LANCL3: variants seen among roughly 807,000 people sequenced by gnomAD.
LANCL3 encodes the protein lanC-like protein 3.
Under a neutral mutation model 26.5 loss-of-function variants are expected in LANCL3, and 19 were observed. The ratio of observed to expected loss-of-function variants is 0.72; its 90% CI spans 0.50 to 1.05. The LOEUF (loss-of-function observed/expected upper bound fraction) is 1.05. Among genes scored for constraint, LANCL3 ranks in the 50% least tolerant of loss-of-function variants. The pLI, the probability that LANCL3 is intolerant of heterozygous loss-of-function variation, is 0.00. For missense variants in LANCL3, 318 were observed against 362.7 expected (o/e 0.88, Z 1.00); for synonymous variants, 160 against 166.6 (o/e 0.96, Z 0.30).
intron 4 of LANCL3, among the ~76,000 whole-genome samples, chrX:37,674,586 T>TA (rs1480037309): frequency 8.9e-6 from 1 of 111,770 alleles, no homozygotes; most frequent in Non-Finnish European, 1.9e-5. Context: ...AAGTAACTCT[T>TA]ACGATGCATT....
At chrX:37,640,891 C>T (rs193109363) in intron 1 of LANCL3, among the ~76,000 whole-genome samples, 1 of 111,624 alleles carries the variant, frequency 9.0e-6, no homozygotes, top group African/African-American at 3.3e-5. Context: ...TTCCTTTCTC[C>T]TTCCACTAGG....
chrX:37,631,776 T>C (rs1925521274), intron 1 of LANCL3, among the ~76,000 whole-genome samples: 1 of 111,822 alleles, frequency 8.9e-6, no homozygotes, highest in South Asian at 3.8e-4. Flanking sequence ...GTGAGTTTCT[T>C]AATCCTGAGT....
At position 37,678,256 on chromosome X, in the gene LANCL3, T is replaced by G. The variant is rs1040899910; in HGVS notation, c.*2443T>G. 1 of 111,340 alleles carries G rather than the reference T, an allele frequency of 9.0e-6. No homozygotes were observed. The highest frequency in any genetic ancestry group is 1.9e-5 in the Non-Finnish European group (1 of 52,903). The allele number at this position is 111,340 out of a possible 1,213,427, so 9.2% of individuals were successfully genotyped here. On this transcript the variant is annotated 3_prime_UTR_variant, in exon 5 of 5. Coordinates refer to ENST00000378619, the MANE Select transcript of LANCL3 (RefSeq NM_001170331.2). ...GGAAGGTCCTCTTCTATATTATTTT[T>G]CCAAGAAGGGGAAAACGATTCTTAC... is the stretch of plus-strand genomic sequence containing the variant.
At chrX:37,645,908 G>T (rs1041638066) in intron 1 of LANCL3, among the ~76,000 whole-genome samples, 1 of 111,565 alleles carries the variant, frequency 9.0e-6, no homozygotes, top group African/African-American at 3.3e-5. Flanking sequence ...GCACCTTGAG[G>T]TTTTTGAAGC....
chrX:37,612,768 C>T (rs1413785384), intron 1 of LANCL3, among the ~76,000 whole-genome samples: 2 of 111,795 alleles, frequency 1.8e-5, no homozygotes, highest in Admixed American at 1.9e-4. Flanking sequence ...AAGAGTTTCA[C>T]TGTCTAGTAG....
chrX:37,645,111 G>A (rs1427927712), intron 1 of LANCL3, among the ~76,000 whole-genome samples: 1 of 112,619 alleles, frequency 8.9e-6, no homozygotes, highest in East Asian at 2.8e-4. Context: ...TGCAGACTGG[G>A]TTACCAGCTA....
intron 1 of LANCL3, among the ~76,000 whole-genome samples, chrX:37,610,259 G>A (rs2024915): frequency 0.12 from 13,112 of 111,036 alleles, 864 homozygotes; most frequent in African/African-American, 0.25. Context: ...TTTTCATTGC[G>A]TGGTTGCTGA....
rs35587679 is a variant in LANCL3, at chrX:37,622,393, C to CT, written c.574-33282dup. On this transcript the variant is annotated intron_variant, in intron 1 of 4. Transcript: ENST00000378619. Reference sequence around the variant, plus strand: ...AAAAAGAGGGACTTACTATCAAATACTTTTTTTTTTTTTGCAAACTCTATC... The same window carrying CT: ...AAAAAGAGGGACTTACTATCAAATACTTTTTTTTTTTTTTGCAAACTCTATC... 3.5e-3 allele frequency among the ~76,000 whole-genome samples: 356 copies of CT among 101,254 alleles called. 1 individual carries two copies. Among genetic ancestry groups the CT allele is most frequent in the Non-Finnish European group, 5.2e-3 (259 of 49,634 alleles). 87.9% of individuals were successfully genotyped at this position (101,254 alleles called of 115,157 possible).
At chrX:37,646,606 A>G (rs1556427000) in intron 1 of LANCL3, among the ~76,000 whole-genome samples, 1 of 112,236 alleles carries the variant, frequency 8.9e-6, no homozygotes, top group Admixed American at 9.5e-5. Context: ...TTAATTTTGG[A>G]GATGAGATGT....
chrX:37,676,443 T>TGAAG lies in LANCL3; in HGVS notation c.*631_*634dup, dbSNP rs1463602186. ...ATAGCGTAGTTCAGATACTAAAATT[T>TGAAG]GAAGTTTCCTTAGGCCCTAGAACAT... is the stretch of plus-strand genomic sequence containing the variant. On this transcript the variant is annotated 3_prime_UTR_variant, in exon 5 of 5. Coordinates refer to ENST00000378619, the MANE Select transcript of LANCL3 (RefSeq NM_001170331.2). 1 of 111,937 alleles carries TGAAG rather than the reference T, an allele frequency of 8.9e-6. No individual in the cohort carries two copies. The highest frequency in any genetic ancestry group is 1.9e-5 in the Non-Finnish European group (1 of 53,159). The allele number at this position is 111,937 out of a possible 1,213,427, so 9.2% of individuals were successfully genotyped here.
Position 37,677,135 on chromosome X carries a change from A to G in LANCL3, c.*1322A>G, listed in dbSNP as rs1421285494. 4.0e-5 allele frequency: 3 copies of G among 74,827 alleles called. No individual in the cohort carries two copies. The highest frequency in any genetic ancestry group is 2.5e-4 in the Admixed American group (2 of 7,884). 6.2% of individuals were successfully genotyped at this position (74,827 alleles called of 1,213,427 possible). On this transcript the variant is annotated 3_prime_UTR_variant, in exon 5 of 5. Coordinates refer to ENST00000378619, the MANE Select transcript of LANCL3 (RefSeq NM_001170331.2). ...AAATAGTCATTAAATATTTGGATAT[A>G]TTATGTGTGTGTGTGTGTGTGTGTG...
intron 1 of LANCL3, among the ~76,000 whole-genome samples, chrX:37,638,573 A>C (rs1157148159): frequency 8.9e-6 from 1 of 111,907 alleles, no homozygotes; most frequent in Non-Finnish European, 1.9e-5. Flanking sequence ...TAAACTATTC[A>C]TTCTACCATA....
At chrX:37,637,011 T>A (rs1925724246) in intron 1 of LANCL3, among the ~76,000 whole-genome samples, 1 of 112,121 alleles carries the variant, frequency 8.9e-6, no homozygotes. Flanking sequence ...GTGTAGTGAT[T>A]AGACAGTTAT....
chrX:37,644,118 C>G (rs1391836431), intron 1 of LANCL3, among the ~76,000 whole-genome samples: 1 of 111,703 alleles, frequency 9.0e-6, no homozygotes, highest in Non-Finnish European at 1.9e-5. Flanking sequence ...CCAGATTCCT[C>G]CAATGCTTTG....
In LANCL3 at chrX:37,571,904, G is replaced by C; in HGVS notation, c.34G>C (p.Asp12His). The part of the protein sequence containing the change: ...DTKRCFANRF[D>H]DYQGSLLAGQ... ...CAAGCGCTGCTTCGCCAATCGCTTC[G>C]ATGACTACCAGGGCAGCCTGCTGGC... Residue 12 changes from aspartate to histidine, a missense_variant, in exon 1 of 5, where the codon GAT (aspartate) becomes CAT (histidine). Transcript: ENST00000378619. 1 of 1,207,356 alleles carries C rather than the reference G, an allele frequency of 8.3e-7. No individual in the cohort carries two copies. Among genetic ancestry groups the C allele is most frequent in the Non-Finnish European group, 1.1e-6 (1 of 894,254 alleles).
At chrX:37,631,853 A>T (rs1365503030) in intron 1 of LANCL3, among the ~76,000 whole-genome samples, 1 of 110,524 alleles carries the variant, frequency 9.0e-6, no homozygotes, top group African/African-American at 3.3e-5. Flanking sequence ...ACATTTGCTG[A>T]GGAGAGCTTT....
Position 37,661,033 on chromosome X carries a change from G to A in LANCL3, c.895+1374G>A, listed in dbSNP as rs782413377. On this transcript the variant is annotated intron_variant, in intron 3 of 4. Coordinates refer to ENST00000378619, the MANE Select transcript of LANCL3 (RefSeq NM_001170331.2). ...GGGGGGGGAACAAGTTATTTACCATGCTGGAAATGATATTTCTTCTTGTTA... is the reference window on the plus strand; with the variant it reads ...GGGGGGGGAACAAGTTATTTACCATACTGGAAATGATATTTCTTCTTGTTA... Among the ~76,000 whole-genome samples the A allele has an allele frequency of 2.0e-3, 218 of 109,656 alleles. 2 individuals are homozygous for A. The highest frequency in any genetic ancestry group is 0.019 in the Middle Eastern group (4 of 216).
chrX:37,650,085 C>T lies in LANCL3; in HGVS notation c.574-5603C>T, dbSNP rs1010939144. ...GGGAGGCCAAGGTGGGCAGATCGCCCGAGGTCAGGAATTCGAGACCAGCCT... is the reference window on the plus strand; with the variant it reads ...GGGAGGCCAAGGTGGGCAGATCGCCTGAGGTCAGGAATTCGAGACCAGCCT... On this transcript the variant is annotated intron_variant, in intron 1 of 4. Coordinates refer to ENST00000378619, the MANE Select transcript of LANCL3 (RefSeq NM_001170331.2). Among the ~76,000 whole-genome samples, 14 of 109,373 alleles carry T rather than the reference C, an allele frequency of 1.3e-4. No homozygotes were observed. The South Asian group carries it at 1.6e-3, about 13-fold the overall frequency. The allele number at this position is 109,373 out of a possible 115,157, so 95.0% of individuals were successfully genotyped here. A position where few individuals can be genotyped will look rare whatever the true frequency, so the allele number is the denominator to read the frequency against.
At position 37,643,477 on chromosome X, in the gene LANCL3, A is replaced by G. The variant is rs191697752; in HGVS notation, c.574-12211A>G. Among the ~76,000 whole-genome samples the G allele has an allele frequency of 3.2e-3, 362 of 112,203 alleles. 3 individuals are homozygous for G. Among genetic ancestry groups the G allele is most frequent in the African/African-American group, 0.012 (356 of 30,887 alleles). ...GCCTGACTTCTTATTTTTCCAGATG[A>G]GGAACTGAGGTCCAGAGAAGTTGCA... On this transcript the variant is annotated intron_variant, in intron 1 of 4. Coordinates refer to ENST00000378619, the MANE Select transcript of LANCL3 (RefSeq NM_001170331.2).
Sources: allele counts gnomAD v4.1 joint callset (sites outside exome capture counted in the v4.1 genomes callset), GRCh38; gene constraint gnomAD v4.1.1; transcripts MANE v1.5; gene names NCBI Gene and HGNC (gene_info 2026-07-23, HGNC 2026-07-21).